The following OLFML1 variants were observed in gnomAD, a reference collection of about 807,000 sequenced individuals.
OLFML1 encodes the protein olfactomedin-like protein 1.
A neutral mutation model predicts 37.3 loss-of-function variants in OLFML1; 33 were observed. That is an observed-to-expected ratio of 0.88 (90% CI 0.67 to 1.18). The LOEUF (loss-of-function observed/expected upper bound fraction) is 1.18, where lower values mean the gene tolerates loss of function less well. Ranked by LOEUF, OLFML1 falls within the 50% of genes most tolerant of loss-of-function variation. The pLI is 0.00. For synonymous variants in OLFML1, 186 were observed against 181.3 expected (o/e 1.03, Z -0.21); for missense variants, 545 against 483.7 (o/e 1.13, Z -1.19).
intron 2 of OLFML1, among the ~76,000 whole-genome samples, chr11:7,496,255 G>A (rs1848661566): frequency 6.6e-6 from 1 of 152,234 alleles, no homozygotes; most frequent in African/African-American, 2.4e-5. Context: ...AGGTCCCTAG[G>A]AACTTAGCCT....
intron 2 of OLFML1, among the ~76,000 whole-genome samples, chr11:7,504,402 C>G (rs79854557): frequency 0.045 from 6,816 of 152,024 alleles, 219 homozygotes; most frequent in Non-Finnish European, 0.072. Context: ...AAGGCCTGAG[C>G]TTTATCCATT....
intron 2 of OLFML1, among the ~76,000 whole-genome samples, chr11:7,489,699 C>T (rs899222592): frequency 6.6e-6 from 1 of 152,074 alleles, no homozygotes. Context: ...GATTTGAGAG[C>T]CATTGAGAAT....
chr11:7,509,440 T>C lies in OLFML1; in HGVS notation c.461T>C (p.Val154Ala). The C allele has an allele frequency of 2.5e-6, 4 of 1,613,500 alleles. No homozygotes were observed. Among genetic ancestry groups the C allele is most frequent in the Non-Finnish European group, 3.4e-6 (4 of 1,179,700 alleles). Residue 154 changes from valine to alanine, a missense_variant, in exon 3 of 3, where the codon GTG becomes GCG. Transcript: ENST00000329293. The stretch of plus-strand genomic sequence containing the variant: ...ATGGGCATAAAGTCTTTGAAAATAG[T>C]GAAGAAGATGATGGACACACATGGC... ...MLMGIKSLKI[V>A]KKMMDTHGSW...
In OLFML1 at chr11:7,485,811, A is replaced by G; in HGVS notation, c.-65A>G. 1 of 1,548,030 alleles carries G rather than the reference A, an allele frequency of 6.5e-7. No homozygotes were observed. Among genetic ancestry groups the G allele is most frequent in the Non-Finnish European group, 8.8e-7 (1 of 1,131,698 alleles). ...GGATAGAGCAGGAGAGCACCACCGGAGCCCTTGAGACATCCTTGAGAAGAG... is the reference window on the plus strand; with the variant it reads ...GGATAGAGCAGGAGAGCACCACCGGGGCCCTTGAGACATCCTTGAGAAGAG... On this transcript the variant is annotated 5_prime_UTR_variant, in exon 1 of 3. Transcript: ENST00000329293.
At chr11:7,492,123 A>T (rs559962384) in intron 2 of OLFML1, among the ~76,000 whole-genome samples, 20 of 152,274 alleles carry the variant, frequency 1.3e-4, no homozygotes, top group Admixed American at 1.2e-3. Context: ...GGGGGTAAAA[A>T]TCCTGGGGAT....
intron 2 of OLFML1, among the ~76,000 whole-genome samples, chr11:7,492,429 T>C (rs781599307): frequency 1.3e-5 from 2 of 152,228 alleles, no homozygotes; most frequent in Non-Finnish European, 2.9e-5. Context: ...CCCTACAGAA[T>C]AGATGATGCA....
At chr11:7,501,235 G>A (rs1245445412) in intron 2 of OLFML1, among the ~76,000 whole-genome samples, 3 of 152,158 alleles carry the variant, frequency 2.0e-5, no homozygotes, top group Non-Finnish European at 2.9e-5. Context: ...TGGCAAACAG[G>A]GCAGATCATT....
chr11:7,507,203 T>C (rs895796846), intron 2 of OLFML1, among the ~76,000 whole-genome samples: 1 of 152,202 alleles, frequency 6.6e-6, no homozygotes, highest in Admixed American at 6.5e-5. Flanking sequence ...GCTAGAAAAC[T>C]GTAACTCCTT....
At chr11:7,501,947 G>A (rs1411614966) in intron 2 of OLFML1, among the ~76,000 whole-genome samples, 1 of 152,182 alleles carries the variant, frequency 6.6e-6, no homozygotes, top group Non-Finnish European at 1.5e-5. Context: ...AGGAGCGGGA[G>A]AGAAGGACGA....
chr11:7,506,167 T>C (rs966657351), intron 2 of OLFML1, among the ~76,000 whole-genome samples: 2 of 152,246 alleles, frequency 1.3e-5, no homozygotes, highest in South Asian at 4.1e-4. Flanking sequence ...AGGTGCCTAG[T>C]TGAAGGTGAA....
intron 2 of OLFML1, among the ~76,000 whole-genome samples, chr11:7,494,550 C>T (rs7105492): frequency 0.042 from 6,362 of 152,338 alleles, 474 homozygotes; most frequent in African/African-American, 0.14. Context: ...CAGAGCTGCA[C>T]TTTGACCCAG....
In OLFML1 at chr11:7,488,149, A is replaced by C; in HGVS notation, c.152A>C (p.Gln51Pro). 1 of 1,608,970 alleles carries C rather than the reference A, an allele frequency of 6.2e-7. No individual in the cohort carries two copies. Among genetic ancestry groups the C allele is most frequent in the East Asian group, 2.2e-5 (1 of 44,734 alleles). Reference protein sequence around the residue: ...VLEQGLEKCTQATRAYIQEFQ... With the variant: ...VLEQGLEKCTPATRAYIQEFQ... ...AAGCAAGGGCTGGAAAAATGTACCC[A>C]AGCAACGAGGGCATACATTCAAGAA... is the stretch of plus-strand genomic sequence containing the variant. The change falls in exon 2 of 3, where the codon CAA becomes CCA. Residue 51 changes from glutamine to proline, a missense_variant. Gln to Pro is a moderately conservative substitution (Grantham distance 76, BLOSUM62 -1). Coordinates refer to ENST00000329293, the MANE Select transcript of OLFML1 (RefSeq NM_198474.4).
At position 7,509,846 on chromosome 11, in the gene OLFML1, T is replaced by C. The variant is rs1301301309; in HGVS notation, c.867T>C (p.His289=). ...LWAIHSGPGT[H]SHLVLTKIEP... The stretch of plus-strand genomic sequence containing the variant: ...CCATCCACTCTGGGCCAGGCACCCA[T>C]AGCCATTTGGTTCTCACAAAGATTG... The change falls in exon 3 of 3, where the codon CAT becomes CAC. Residue 289 remains histidine, a synonymous_variant. Transcript: ENST00000329293. The C allele has an allele frequency of 3.1e-6, 5 of 1,614,174 alleles. No individual in the cohort carries two copies. The highest frequency in any genetic ancestry group is 1.7e-5 in the Admixed American group (1 of 60,028).
intron 1 of OLFML1, among the ~76,000 whole-genome samples, chr11:7,487,195 A>G (rs1048999300): frequency 7.2e-5 from 11 of 152,206 alleles, no homozygotes; most frequent in Non-Finnish European, 1.6e-4. Flanking sequence ...ATCTGTATAG[A>G]TCTTCCCACC....
In OLFML1 at chr11:7,509,799, G is replaced by A; in HGVS notation, c.820G>A (p.Val274Met). 1 of 1,614,256 alleles carries A rather than the reference G, an allele frequency of 6.2e-7. No homozygotes were observed. Among genetic ancestry groups the A allele is most frequent in the South Asian group, 1.1e-5 (1 of 91,090 alleles). The change falls in exon 3 of 3, where the codon GTG becomes ATG. Residue 274 changes from valine (V) to methionine (M), a missense_variant. Physicochemically the swap from Val to Met is conservative, Grantham distance 21. Coordinates refer to ENST00000329293, the MANE Select transcript of OLFML1 (RefSeq NM_198474.4). ...CCCCTCAACTTACATTGACCTGGCTGTGGATGAGCATGGGCTCTGGGCCAT... is the reference window on the plus strand; with the variant it reads ...CCCCTCAACTTACATTGACCTGGCTATGGATGAGCATGGGCTCTGGGCCAT... The part of the protein sequence containing the change: ...HSPSTYIDLA[V>M]DEHGLWAIHS...
In OLFML1 at chr11:7,485,728, A is replaced by G. The variant is rs1202621904; in HGVS notation, c.-148A>G. 2 of 782,076 alleles carry G rather than the reference A, an allele frequency of 2.6e-6. No homozygotes were observed. Among genetic ancestry groups the G allele is most frequent in the Non-Finnish European group, 2.1e-6 (1 of 476,372 alleles). The allele number at this position is 782,076 out of a possible 1,614,324, so 48.4% of individuals were successfully genotyped here. On this transcript the variant is annotated 5_prime_UTR_variant, in exon 1 of 3. Coordinates refer to ENST00000329293, the MANE Select transcript of OLFML1 (RefSeq NM_198474.4). ...AGCTCACGTATCGGGTGGAATAACA[A>G]GCGGACTTTGCTCTCTGCTGTGCAA... is the stretch of plus-strand genomic sequence containing the variant.
Position 7,485,633 on chromosome 11 carries a change from A to G in OLFML1, c.-243A>G, listed in dbSNP as rs1227875382. 2.1e-6 allele frequency: 1 copy of G among 469,692 alleles called. No homozygotes were observed. Among genetic ancestry groups the G allele is most frequent in the Non-Finnish European group, 3.8e-6 (1 of 261,640 alleles). 29.1% of individuals were successfully genotyped at this position (469,692 alleles called of 1,614,324 possible). A position where few individuals can be genotyped will look rare whatever the true frequency, so the allele number is the denominator to read the frequency against. ...TGCTGGACCCAGGGAGCTCTCTGCC[A>G]CAGGTCAGTCTACAAGGCCTCAGGG... On this transcript the variant is annotated 5_prime_UTR_variant, in exon 1 of 3. Transcript: ENST00000329293.
At chr11:7,509,127 G>A (rs1848821327) in intron 2 of OLFML1, among the ~76,000 whole-genome samples, 1 of 152,188 alleles carries the variant, frequency 6.6e-6, no homozygotes, top group Admixed American at 6.5e-5. Flanking sequence ...GTGAAAATAA[G>A]GAGGTGAAAG....
intron 2 of OLFML1, among the ~76,000 whole-genome samples, chr11:7,502,731 A>C (rs1848738213): frequency 6.6e-6 from 1 of 151,746 alleles, no homozygotes; most frequent in African/African-American, 2.4e-5. Context: ...TTAGCCTCCC[A>C]AGTAGCTGCG....
Sources: gnomAD v4.1 joint callset for allele counts (sites outside exome capture counted in the v4.1 genomes callset) on GRCh38, gnomAD v4.1.1 for gene constraint, MANE v1.5 for transcripts, NCBI Gene and HGNC (gene_info 2026-07-23, HGNC 2026-07-21) for gene names.